The following PIEZO1 variants were observed in gnomAD, a reference collection of about 807,000 sequenced individuals.
PIEZO1 encodes the protein piezo-type mechanosensitive ion channel component 1.
In PIEZO1, 296 loss-of-function variants were observed where a neutral mutation model predicts 297.2. The observed-to-expected ratio is 1.00, with a 90% CI of 0.91 to 1.10. PIEZO1 has a LOEUF of 1.10. Among genes scored for constraint, PIEZO1 ranks in the 50% least tolerant of loss-of-function variants. The pLI, the probability that PIEZO1 is intolerant of heterozygous loss-of-function variation, is 0.00. For synonymous variants in PIEZO1, 2,427 were observed against 1,507.5 expected, an observed-to-expected ratio of 1.61 and a Z score of -14.13; for missense variants, 5,018 against 3,455.5, an observed-to-expected ratio of 1.45 and a Z score of -11.34.
At position 88,734,746 on chromosome 16, in the gene PIEZO1, A is replaced by C; in HGVS notation, c.1901T>G (p.Val634Gly). The C allele has an allele frequency of 6.5e-7, 1 of 1,550,292 alleles. No individual in the cohort carries two copies. The highest frequency in any genetic ancestry group is 2.4e-5 in the East Asian group (1 of 40,918). ...GATGAGGACCAGCATGGTGTAGGCC[A>C]CCACGAGCCACCAGAAGGCCTTGAG... ...KLLKAFWWLV[V>G]AYTMLVLIAV... The change falls in exon 15 of 51, where the codon GTG (valine) becomes GGG (glycine). Residue 634 changes from valine to glycine, a missense_variant. Transcript: ENST00000301015.
intron 30 of PIEZO1, among the ~76,000 whole-genome samples, chr16:88,724,389 G>A (rs562988561): frequency 6.6e-6 from 1 of 152,130 alleles, no homozygotes; most frequent in African/African-American, 2.4e-5. Context: ...AAATTAGCTG[G>A]GCGTGGTGGC....
chr16:88,721,746 G>A lies in PIEZO1; in HGVS notation c.5215-20C>T, dbSNP rs777113455. 3.3e-6 allele frequency: 5 copies of A among 1,535,574 alleles called. No individual in the cohort carries two copies. The South Asian group carries it at 3.6e-5, about 11-fold the overall frequency. On this transcript the variant is annotated intron_variant, in intron 37 of 50. Coordinates refer to ENST00000301015, the MANE Select transcript of PIEZO1 (RefSeq NM_001142864.4). ...CGCGATCTGTGGGGGAGGGGGCTCA[G>A]CACGCGGGGAGGGTCACGGCGCGGT...
rs573946074 is a variant in PIEZO1 at position 88,723,383 on chromosome 16, G to A, written c.4336-55C>T. ...GCCTCCCGAGCCATCAGACCCAGGCGGGAAGCTGGGGTTGGGCAAGCCGGG... is the reference window on the plus strand; with the variant it reads ...GCCTCCCGAGCCATCAGACCCAGGCAGGAAGCTGGGGTTGGGCAAGCCGGG... On this transcript the variant is annotated intron_variant, in intron 31 of 50. Transcript: ENST00000301015. 84 of 1,528,722 alleles carry A rather than the reference G, an allele frequency of 5.5e-5. 1 individual carries two copies. In the South Asian group the frequency reaches 5.7e-4, roughly 10 times the overall value. 94.7% of individuals were successfully genotyped at this position (1,528,722 alleles called of 1,614,324 possible).
chr16:88,754,452 C>G (rs762729883), intron 1 of PIEZO1, among the ~76,000 whole-genome samples: 1 of 152,188 alleles, frequency 6.6e-6, no homozygotes, highest in Non-Finnish European at 1.5e-5. Context: ...TGCCAGGATC[C>G]AGTTCCTGGG....
intron 27 of PIEZO1, 195 bp downstream of exon 27, chr16:88,726,089 G>A: frequency 1.7e-6 from 1 of 600,332 alleles, no homozygotes. Flanking sequence ...GTCTCTGACA[G>A]ACCCAGCACT....
chr16:88,731,558 G>A (rs939792012), intron 22 of PIEZO1, 148 bp downstream of exon 22: 6 of 626,380 alleles, frequency 9.6e-6, no homozygotes, highest in African/African-American at 5.5e-5. Context: ...ATGGCGCCTG[G>A]GTAGGATGTG....
chr16:88,720,821 A>AC, intron 39 of PIEZO1, 73 bp from the exon 40 acceptor site: 1 of 1,407,368 alleles, frequency 7.1e-7, no homozygotes, highest in Non-Finnish European at 9.3e-7. Context: ...GACCACCCTA[A>AC]GAGGCTGGCA....
chr16:88,727,650 G>C lies in PIEZO1; in HGVS notation c.3208C>G (p.Arg1070Gly), dbSNP rs1209538803. Residue 1070 changes from arginine (R) to glycine (G), a missense_variant, in exon 23 of 51, where the codon CGC becomes GGC. Coordinates refer to ENST00000301015, the MANE Select transcript of PIEZO1 (RefSeq NM_001142864.4). ...PPALCIDYPWRWSRAVPMNSA... is the reference protein window; with the variant it reads ...PPALCIDYPWGWSRAVPMNSA... ...TTCATGGGGACGGCCCGGCTCCAGC[G>C]CCAGGGATAATCTGGGGGAAGGGGT... The C allele has an allele frequency of 1.4e-6, 2 of 1,472,192 alleles. No individual in the cohort carries two copies. The highest frequency in any genetic ancestry group is 5.2e-5 in the East Asian group (2 of 38,502). The allele number at this position is 1,472,192 out of a possible 1,614,324, so 91.2% of individuals were successfully genotyped here. A position where few individuals can be genotyped will look rare whatever the true frequency, so the allele number is the denominator to read the frequency against.
In PIEZO1 at chr16:88,721,310, T is replaced by C. The variant is rs745736266; in HGVS notation, c.5524A>G (p.Ile1842Val). The change falls in exon 39 of 51, where the codon ATT (isoleucine) becomes GTT (valine). Residue 1842 changes from isoleucine (I) to valine (V), a missense_variant. Ile to Val is a conservative substitution (Grantham distance 29). Coordinates refer to ENST00000301015, the MANE Select transcript of PIEZO1 (RefSeq NM_001142864.4). ...GVPAATTEDH[I>V]QVEARVGPTD... Reference sequence around the variant, plus strand: ...GGTCCGACCCTGGCTTCCACCTGAATGTGGTCTTCGGTGGTGGCCGCAGGC... The same window carrying C: ...GGTCCGACCCTGGCTTCCACCTGAACGTGGTCTTCGGTGGTGGCCGCAGGC... 3.2e-6 allele frequency: 5 copies of C among 1,546,130 alleles called. No homozygotes were observed. Among genetic ancestry groups the C allele is most frequent in the Non-Finnish European group, 3.5e-6 (4 of 1,146,718 alleles).
intron 2 of PIEZO1, among the ~76,000 whole-genome samples, 178 bp downstream of exon 2, chr16:88,749,206 C>T (rs183655974): frequency 8.0e-4 from 121 of 151,960 alleles, no homozygotes; most frequent in African/African-American, 2.7e-3. Context: ...CGCCACTGCA[C>T]TCCAGCCTGG....
At position 88,742,293 on chromosome 16, in the gene PIEZO1, G is replaced by T; in HGVS notation, c.283+7C>A. On this transcript the variant is annotated splice_region_variant and intron_variant, in intron 3 of 50. Transcript: ENST00000301015. ...GCTATCCCTACCCCGCCCCCTCAGC[G>T]ACTCACAGCTGGGTCCCAGGAGCTG... 2.6e-6 allele frequency: 4 copies of T among 1,529,952 alleles called. No homozygotes were observed. The South Asian group carries it at 4.8e-5, about 18-fold the overall frequency. 94.8% of individuals were successfully genotyped at this position (1,529,952 alleles called of 1,614,324 possible). A position where few individuals can be genotyped will look rare whatever the true frequency, so the allele number is the denominator to read the frequency against.
rs116020042 is a variant in PIEZO1 at position 88,753,954 on chromosome 16, G to A, written c.65-4475C>T. 8.2e-3 allele frequency among the ~76,000 whole-genome samples: 1,247 copies of A among 152,350 alleles called. 17 individuals carry two copies. The highest frequency in any genetic ancestry group is 0.029 in the African/African-American group (1,186 of 41,580). On this transcript the variant is annotated intron_variant, in intron 1 of 50. Coordinates refer to ENST00000301015, the MANE Select transcript of PIEZO1 (RefSeq NM_001142864.4). ...GAGACAATCCAAGGAGCGGGGACAG[G>A]AGCCTGCCCTGCCCTGTGGCTCCCA...
chr16:88,735,671 G>A (rs1054810515), intron 12 of PIEZO1, among the ~76,000 whole-genome samples: 3 of 152,274 alleles, frequency 2.0e-5, no homozygotes, highest in Non-Finnish European at 4.4e-5. Flanking sequence ...CCTGCAAACA[G>A]GTGTCCAGAC....
At chr16:88,742,136 A>G in intron 3 of PIEZO1, 41 bp from the exon 4 acceptor site, 1 of 1,534,514 alleles carries the variant, frequency 6.5e-7, no homozygotes, top group Non-Finnish European at 8.7e-7. Flanking sequence ...GGCTCTGCCC[A>G]GCCAGCACCG....
Position 88,753,965 on chromosome 16 carries a change from G to A in PIEZO1, c.65-4486C>T, listed in dbSNP as rs377252790. 7.8e-3 allele frequency among the ~76,000 whole-genome samples: 1,191 copies of A among 152,364 alleles called. 12 individuals carry two copies. Among genetic ancestry groups the A allele is most frequent in the Middle Eastern group, 0.031 (9 of 294 alleles). On this transcript the variant is annotated intron_variant, in intron 1 of 50. Transcript: ENST00000301015. ...AGGAGCGGGGACAGGAGCCTGCCCT[G>A]CCCTGTGGCTCCCATGTTCCCATCA...
At chr16:88,748,658 G>A (rs1241337433) in intron 2 of PIEZO1, among the ~76,000 whole-genome samples, 1 of 152,144 alleles carries the variant, frequency 6.6e-6, no homozygotes, top group Non-Finnish European at 1.5e-5. Flanking sequence ...TCCACTCCCT[G>A]TGGCCTCCCA....
chr16:88,758,798 C>T (rs1233029366), intron 1 of PIEZO1, among the ~76,000 whole-genome samples: 1 of 152,254 alleles, frequency 6.6e-6, no homozygotes, highest in Non-Finnish European at 1.5e-5. Context: ...CCATAACTCC[C>T]TCCTCACAGG....
rs373098455 is a variant in PIEZO1 at position 88,719,516 on chromosome 16, C to G, written c.6471+58G>C. Reference sequence around the variant, plus strand: ...GTTCTCGTGGCAGCAGTGCCTCTGTCTTAGGGAGAGGGCATATCCCTGGCC... The same window carrying G: ...GTTCTCGTGGCAGCAGTGCCTCTGTGTTAGGGAGAGGGCATATCCCTGGCC... On this transcript the variant is annotated intron_variant, in intron 44 of 50. Coordinates refer to ENST00000301015, the MANE Select transcript of PIEZO1 (RefSeq NM_001142864.4). The G allele has an allele frequency of 4.4e-3, 6,657 of 1,496,232 alleles. 25 individuals carry two copies. The highest frequency in any genetic ancestry group is 5.1e-3 in the Non-Finnish European group (5,614 of 1,100,380). The allele number at this position is 1,496,232 out of a possible 1,614,324, so 92.7% of individuals were successfully genotyped here. A position where few individuals can be genotyped will look rare whatever the true frequency, so the allele number is the denominator to read the frequency against.
chr16:88,725,912 C>G (rs1433363392), intron 27 of PIEZO1: 2 of 575,106 alleles, frequency 3.5e-6, no homozygotes, highest in Admixed American at 6.4e-5. Flanking sequence ...GGCACCCACC[C>G]CACCACAGCT....
Sources: gnomAD v4.1 joint callset for allele counts (sites outside exome capture counted in the v4.1 genomes callset) on GRCh38, gnomAD v4.1.1 for gene constraint, MANE v1.5 for transcripts, NCBI Gene and HGNC (gene_info 2026-07-23, HGNC 2026-07-21) for gene names.